Variants in DPP6 observed in about 807,000 individuals in gnomAD.
DPP6 encodes A-type potassium channel modulatory protein DPP6.
DPP6 carries 69 observed loss-of-function variants against 122.6 expected under a neutral mutation model. The ratio of observed to expected loss-of-function variants is 0.56; its 90% CI spans 0.46 to 0.69. The LOEUF is 0.69. Ranked by LOEUF, DPP6 falls within the 30% of genes least tolerant of loss-of-function variation. The pLI is 0.00. For synonymous variants in DPP6, 418 were observed against 433.1 expected (o/e 0.97, Z 0.43); for missense variants, 928 against 1,116.9 (o/e 0.83, Z 2.41).
chr7:154,463,330 C>T (rs1247613417), intron 2 of DPP6, among the ~76,000 whole-genome samples: 1 of 151,044 alleles, frequency 6.6e-6, no homozygotes, highest in Non-Finnish European at 1.5e-5. Context: ...GCCTCAGCCT[C>T]CCGTGTAGCT....
intron 7 of DPP6, among the ~76,000 whole-genome samples, chr7:154,720,126 A>G (rs989867462): frequency 6.6e-6 from 1 of 152,210 alleles, no homozygotes; most frequent in African/African-American, 2.4e-5. Context: ...AGCTGAGCAG[A>G]GGCTTACAAG....
chr7:153,810,682 CTCTCT>C, the DPP6 span, among the ~76,000 whole-genome samples: 6,663 of 141,890 alleles, frequency 0.047, 404 homozygotes, highest in African/African-American at 0.14. Flanking sequence ...CTCTCTCTCT[CTCTCT>C]CTCTCTCTCT....
intron 1 of DPP6, among the ~76,000 whole-genome samples, chr7:154,090,950 C>G (rs1353960624): frequency 6.7e-6 from 1 of 149,474 alleles, no homozygotes; most frequent in African/African-American, 2.5e-5. Flanking sequence ...GAAACCCCGT[C>G]TCTACTAAAA....
At chr7:154,415,305 AC>A (rs147036761) in intron 1 of DPP6, among the ~76,000 whole-genome samples, 7,308 of 152,248 alleles carry the variant, frequency 0.048, 546 homozygotes, top group African/African-American at 0.16. Flanking sequence ...GGTGGTATGA[AC>A]AGAGATTCCC....
chr7:154,782,772 T>A (rs76126183), intron 10 of DPP6, among the ~76,000 whole-genome samples: 3,043 of 152,152 alleles, frequency 0.02, 44 homozygotes, highest in South Asian at 0.044. Context: ...AGTTTGCATT[T>A]CTTTTTCTTT....
rs12668094 is a variant in DPP6 at position 154,527,830 on chromosome 7, C to G, written c.458-12702C>G. ...TAACATTATTTAAATTTTTAACATA[C>G]GCATGGTCTTCAAAAGCCTTTTTAA... is the stretch of plus-strand genomic sequence containing the variant. On this transcript the variant is annotated intron_variant, in intron 3 of 25. Coordinates refer to ENST00000377770, the MANE Select transcript of DPP6 (RefSeq NM_130797.4). Among the ~76,000 whole-genome samples, 343 of 152,064 alleles carry G rather than the reference C, an allele frequency of 2.3e-3. 3 individuals are homozygous for G. The highest frequency in any genetic ancestry group is 4.0e-3 in the Non-Finnish European group (274 of 67,986).
intron 1 of DPP6, among the ~76,000 whole-genome samples, chr7:153,949,107 A>C (rs2129020213): frequency 6.6e-6 from 1 of 152,336 alleles, no homozygotes; most frequent in East Asian, 1.9e-4. Context: ...TCCTGCAGGC[A>C]GCTGGGGTGG....
chr7:153,764,853 G>A, the DPP6 span, among the ~76,000 whole-genome samples: 1 of 152,010 alleles, frequency 6.6e-6, no homozygotes, highest in African/African-American at 2.4e-5. Context: ...TTCCAATACA[G>A]TCCCCTCTCT....
intron 8 of DPP6, among the ~76,000 whole-genome samples, chr7:154,758,192 G>A (rs961344636): frequency 7.2e-5 from 11 of 152,198 alleles, no homozygotes; most frequent in African/African-American, 2.7e-4. Flanking sequence ...TCAGGTGGCA[G>A]ACATTCTAGA....
intron 5 of DPP6, among the ~76,000 whole-genome samples, chr7:154,589,959 C>G (rs1832703442): frequency 6.6e-6 from 1 of 152,180 alleles, no homozygotes; most frequent in African/African-American, 2.4e-5. Flanking sequence ...TCACATAAAC[C>G]TCATCCTAGC....
At position 154,850,457 on chromosome 7, in the gene DPP6, A is replaced by G. The variant is rs556226573; in HGVS notation, c.1667-3323A>G. Among the ~76,000 whole-genome samples, 4 of 152,230 alleles carry G rather than the reference A, an allele frequency of 2.6e-5. No individual in the cohort carries two copies. In the East Asian group the frequency reaches 7.7e-4, roughly 29 times the overall value. ...CTTTGTCTGGCTTTGGTATCAGGGT[A>G]AGGCTGGCCTCATAAAATGAGTTTG... On this transcript the variant is annotated intron_variant, in intron 16 of 25. Transcript: ENST00000377770.
chr7:154,008,969 ATAT>A (rs1280655158), intron 1 of DPP6, among the ~76,000 whole-genome samples: 1 of 140,656 alleles, frequency 7.1e-6, no homozygotes, highest in East Asian at 2.1e-4. Flanking sequence ...CCGGCCAGGA[ATAT>A]TATTTCTAAC....
chr7:154,032,594 A>G (rs1388300826), intron 1 of DPP6, among the ~76,000 whole-genome samples: 3 of 152,198 alleles, frequency 2.0e-5, no homozygotes, highest in Non-Finnish European at 4.4e-5. Context: ...AGCAATATAA[A>G]TACATTTTAT....
intron 1 of DPP6, among the ~76,000 whole-genome samples, chr7:154,294,948 C>T (rs896069192): frequency 3.9e-5 from 6 of 152,196 alleles, no homozygotes; most frequent in East Asian, 1.9e-4. Flanking sequence ...GTCACGCTGC[C>T]GTCGCCAAGG....
rs146790976 is a variant in DPP6 at position 154,680,844 on chromosome 7, C to T, written c.762+11403C>T. ...CATGAATAAGCCGCCCATCACCCTC[C>T]GGGGATCACAGTGCCGTTAATTCCA... On this transcript the variant is annotated intron_variant, in intron 7 of 25. Transcript: ENST00000377770. Among the ~76,000 whole-genome samples the T allele has an allele frequency of 3.7e-3, 557 of 152,182 alleles. 6 individuals are homozygous for T. The highest frequency in any genetic ancestry group is 9.0e-3 in the Admixed American group (138 of 15,290).
intron 1 of DPP6, among the ~76,000 whole-genome samples, chr7:154,361,032 G>A (rs961172949): frequency 1.3e-5 from 2 of 152,110 alleles, no homozygotes; most frequent in African/African-American, 4.8e-5. Context: ...GGATTCTGTG[G>A]GCCAGTGGCC....
intron 1 of DPP6, among the ~76,000 whole-genome samples, chr7:154,248,205 C>G (rs1802114829): frequency 1.3e-5 from 2 of 152,154 alleles, no homozygotes; most frequent in Admixed American, 6.5e-5. Flanking sequence ...CCTCCAAATA[C>G]CATCACAATG....
the DPP6 span, among the ~76,000 whole-genome samples, chr7:153,782,070 C>CCTCA: frequency 6.7e-6 from 1 of 150,210 alleles, no homozygotes; most frequent in Non-Finnish European, 1.5e-5. Context: ...CTGTGGTAGA[C>CCTCA]ACCATGGTTT....
upstream of DPP6, among the ~76,000 whole-genome samples, chr7:154,051,518 CAG>C (rs1800316194): frequency 1.4e-5 from 2 of 147,102 alleles, no homozygotes; most frequent in African/African-American, 2.5e-5. Flanking sequence ...GGTGTCCACA[CAG>C]GGGCGCTGGA....
Sources: allele counts gnomAD v4.1 joint callset (sites outside exome capture counted in the v4.1 genomes callset), GRCh38; gene constraint gnomAD v4.1.1; transcripts MANE v1.5; gene names NCBI Gene and HGNC (gene_info 2026-07-23, HGNC 2026-07-21).